LMF1: variants seen among roughly 807,000 people sequenced by gnomAD.
LMF1 encodes the protein transmembrane protein 112.
LMF1 carries 68 observed loss-of-function variants against 60.6 expected under a neutral mutation model. The ratio of observed to expected loss-of-function variants is 1.12; its 90% confidence interval spans 0.92 to 1.37. LMF1 has a LOEUF of 1.37. Ranked by LOEUF, LMF1 falls within the 40% of genes most tolerant of loss-of-function variation. The pLI, the probability that LMF1 is intolerant of heterozygous loss-of-function variation, is 0.00. For synonymous variants in LMF1, 418 were observed against 324.7 expected, an observed-to-expected ratio of 1.29 and a Z score of -3.09; for missense variants, 948 against 767.2, an observed-to-expected ratio of 1.24 and a Z score of -2.78.
chr16:976,996 C>A, intron 1 of LMF1: 1 of 453,796 alleles, frequency 2.2e-6, no homozygotes, highest in South Asian at 1.6e-5. Context: ...CCGTGGAGGT[C>A]GGGGGCATCA....
intron 2 of LMF1, among the ~76,000 whole-genome samples, chr16:942,492 G>C (rs1276956706): frequency 5.9e-5 from 9 of 151,304 alleles, no homozygotes; most frequent in African/African-American, 2.2e-4. Context: ...CTCTCTGTGG[G>C]GCTCCAATCA....
intron 10 of LMF1, among the ~76,000 whole-genome samples, chr16:867,838 C>T (rs1279007838): frequency 6.6e-6 from 1 of 152,132 alleles, no homozygotes; most frequent in Non-Finnish European, 1.5e-5. Context: ...GCCGGGAGCA[C>T]CTGCCTGGGC....
At chr16:910,685 A>T (rs1567223990) in intron 4 of LMF1, among the ~76,000 whole-genome samples, 1 of 152,150 alleles carries the variant, frequency 6.6e-6, no homozygotes, top group East Asian at 1.9e-4. Flanking sequence ...CCTGAAACAG[A>T]CTCAGAGGTG....
intron 4 of LMF1, chr16:899,171 G>A (rs2064232615): frequency 6.6e-6 from 1 of 152,232 alleles, no homozygotes; most frequent in Admixed American, 6.5e-5. Context: ...CAGCCGCGAG[G>A]AGCACCCCGG....
chr16:973,932 C>T (rs1002218810), upstream of LMF1, among the ~76,000 whole-genome samples: 1 of 151,254 alleles, frequency 6.6e-6, no homozygotes, highest in African/African-American at 2.4e-5. Flanking sequence ...ATGACGTGAA[C>T]GCGGGGGCTG....
intron 3 of LMF1, among the ~76,000 whole-genome samples, chr16:916,380 C>T (rs1231658485): frequency 2.6e-5 from 4 of 152,246 alleles, no homozygotes; most frequent in African/African-American, 9.6e-5. Context: ...CGCCCTCTGC[C>T]ACCCCAGGGG....
chr16:869,050 C>T lies in LMF1; in HGVS notation c.1423G>A (p.Glu475Lys), dbSNP rs549735506. Residue 475 changes from glutamate (E) to lysine (K), a missense_variant, in exon 10 of 11, where the codon GAG becomes AAG. Transcript: ENST00000262301. Reference protein sequence around the residue: ...LMWFAAFQTYEHNDWIIHLAG... With the variant: ...LMWFAAFQTYKHNDWIIHLAG... ...AGGTGGATGATCCAGTCGTTGTGCT[C>T]GTAGGTCTGGGAGGAGAGGTCGGGC... 15 of 1,610,346 alleles carry T rather than the reference C, an allele frequency of 9.3e-6. No homozygotes were observed. The highest frequency in any genetic ancestry group is 6.7e-5 in the Admixed American group (4 of 60,016).
rs567202297 is a variant in LMF1 at position 948,861 on chromosome 16, C to T, written c.503+5496G>A. 1.1e-4 allele frequency among the ~76,000 whole-genome samples: 10 copies of T among 91,254 alleles called. 1 individual carries two copies. Among genetic ancestry groups the T allele is most frequent in the South Asian group, 4.7e-4 (1 of 2,128 alleles). 59.9% of individuals were successfully genotyped at this position (91,254 alleles called of 152,430 possible). On this transcript the variant is annotated intron_variant, in intron 2 of 10. Coordinates refer to ENST00000262301, the MANE Select transcript of LMF1 (RefSeq NM_022773.4). ...CAGAGCCAACGACAGAGTCAGCCAA[C>T]GACAGAGTCAGAGCCAATGACAGAG... is the stretch of plus-strand genomic sequence containing the variant.
intron 3 of LMF1, among the ~76,000 whole-genome samples, chr16:922,441 C>T (rs1174719852): frequency 2.0e-5 from 3 of 152,232 alleles, no homozygotes; most frequent in African/African-American, 4.8e-5. Flanking sequence ...AGACAGCACA[C>T]GGGCGTCCAC....
chr16:941,225 T>C (rs2072093105), intron 2 of LMF1, among the ~76,000 whole-genome samples: 4 of 151,820 alleles, frequency 2.6e-5, no homozygotes, highest in Admixed American at 2.6e-4. Context: ...ATACCTGATT[T>C]TTTTAAATTG....
intron 5 of LMF1, among the ~76,000 whole-genome samples, chr16:883,186 G>A (rs540697532): frequency 6.9e-4 from 104 of 150,118 alleles, no homozygotes; most frequent in Non-Finnish European, 1.0e-3. Flanking sequence ...GGAGAAAGAG[G>A]AGCTGCTCAG....
rs543147964 is a variant in LMF1 at position 927,506 on chromosome 16, G to A, written c.514+6738C>T. Reference sequence around the variant, plus strand: ...ACCGGTTGCAGCCCGGCAGCTGAGCGAGCTCACGGCAGAGGCCGTGGAGGC... The same window carrying A: ...ACCGGTTGCAGCCCGGCAGCTGAGCAAGCTCACGGCAGAGGCCGTGGAGGC... On this transcript the variant is annotated intron_variant, in intron 3 of 10. Coordinates refer to ENST00000262301, the MANE Select transcript of LMF1 (RefSeq NM_022773.4). 2.9e-4 allele frequency among the ~76,000 whole-genome samples: 44 copies of A among 152,356 alleles called. 1 individual carries two copies. In the South Asian group the frequency reaches 6.4e-3, roughly 22 times the overall value.
At position 953,338 on chromosome 16, in the gene LMF1, G is replaced by C. The variant is rs2072547435; in HGVS notation, c.503+1019C>G. Reference sequence around the variant, plus strand: ...CCACACAGACACCCACCCCAAACCAGCTTCCTACACGTTCACACAGACACG... The same window carrying C: ...CCACACAGACACCCACCCCAAACCACCTTCCTACACGTTCACACAGACACG... On this transcript the variant is annotated intron_variant, in intron 2 of 10. Coordinates refer to ENST00000262301, the MANE Select transcript of LMF1 (RefSeq NM_022773.4). Among the ~76,000 whole-genome samples, 5 of 74,354 alleles carry C rather than the reference G, an allele frequency of 6.7e-5. 2 individuals carry two copies. In the South Asian group the frequency reaches 2.6e-3, roughly 39 times the overall value. The allele number at this position is 74,354 out of a possible 152,430, so 48.8% of individuals were successfully genotyped here. A position where few individuals can be genotyped will look rare whatever the true frequency, so the allele number is the denominator to read the frequency against.
chr16:937,158 T>G (rs1421010178), intron 2 of LMF1, among the ~76,000 whole-genome samples: 2 of 152,200 alleles, frequency 1.3e-5, no homozygotes, highest in Non-Finnish European at 2.9e-5. Context: ...ATTTTGCATT[T>G]CAAGGCTGCC....
chr16:911,401 T>C (rs922504533), intron 3 of LMF1, among the ~76,000 whole-genome samples: 20 of 152,232 alleles, frequency 1.3e-4, no homozygotes, highest in African/African-American at 3.1e-4. Flanking sequence ...CATCTGAGAA[T>C]GCGCCCTGCA....
At position 893,075 on chromosome 16, in the gene LMF1, G is replaced by C; in HGVS notation, c.664-3C>G. The C allele has an allele frequency of 6.4e-7, 1 of 1,553,578 alleles. No individual in the cohort carries two copies. On this transcript the variant is annotated splice_region_variant and splice_polypyrimidine_tract_variant and intron_variant, in intron 4 of 10. Coordinates refer to ENST00000262301, the MANE Select transcript of LMF1 (RefSeq NM_022773.4). ...TCCCCCCGGATCTTGATCAGGCCCT[G>C]CAAGGAAGAGAGCAGAGGGAGAGTC...
intron 10 of LMF1, among the ~76,000 whole-genome samples, chr16:861,433 C>T (rs1007051945): frequency 6.9e-6 from 1 of 145,590 alleles, no homozygotes; most frequent in East Asian, 2.0e-4. Flanking sequence ...TCTCAGCTCA[C>T]TGTAACCTCT....
intron 3 of LMF1, chr16:931,701 G>T: frequency 7.8e-7 from 1 of 1,287,208 alleles, no homozygotes; most frequent in Non-Finnish European, 1.0e-6. Flanking sequence ...GTTCAAAGAC[G>T]CATGGCTGCT....
intron 1 of LMF1, among the ~76,000 whole-genome samples, chr16:970,271 C>T (rs368476527): frequency 1.3e-5 from 2 of 152,210 alleles, no homozygotes; most frequent in East Asian, 3.9e-4. Flanking sequence ...GGGCCGCACG[C>T]GGCAGGGATG....
Sources: allele counts gnomAD v4.1 joint callset (sites outside exome capture counted in the v4.1 genomes callset), GRCh38; gene constraint gnomAD v4.1.1; transcripts MANE v1.5; gene names NCBI Gene and HGNC (gene_info 2026-07-23, HGNC 2026-07-21).